PEX7: variants seen among roughly 807,000 people sequenced by gnomAD.
The protein encoded by PEX7 is peroxisomal biogenesis factor 7.
PEX7 carries 34 observed loss-of-function variants against 47.5 expected under a neutral mutation model. The observed-to-expected ratio is 0.72, with a 90% CI of 0.54 to 0.95. The LOEUF (loss-of-function observed/expected upper bound fraction) is 0.95, where lower values mean the gene tolerates loss of function less well. PEX7 is among the 40% of genes least tolerant of loss of function. The probability of loss-of-function intolerance (pLI) is 0.00; values close to 1 mark genes in which losing one functional copy is unlikely to be tolerated. For synonymous variants in PEX7, 141 were observed against 148.8 expected, an observed-to-expected ratio of 0.95 and a Z score of 0.38; for missense variants, 394 against 400.3, an observed-to-expected ratio of 0.98 and a Z score of 0.13.
chr6:136,895,466 C>T (rs1316651368), intron 8 of PEX7, among the ~76,000 whole-genome samples: 2 of 152,064 alleles, frequency 1.3e-5, no homozygotes, highest in Non-Finnish European at 2.9e-5. Flanking sequence ...GTGAAGAAAT[C>T]TGAAGCTTAG....
At chr6:136,890,685 A>G (rs924694743) in intron 8 of PEX7, among the ~76,000 whole-genome samples, 13 of 152,144 alleles carry the variant, frequency 8.5e-5, no homozygotes, top group African/African-American at 3.1e-4. Flanking sequence ...TTTATTCATA[A>G]ATGCTTAGCT....
chr6:136,829,852 A>G (rs1774262227), intron 3 of PEX7, among the ~76,000 whole-genome samples: 1 of 152,164 alleles, frequency 6.6e-6, no homozygotes, highest in African/African-American at 2.4e-5. Context: ...CACAAGAATC[A>G]TTTGAGCATG....
At chr6:136,909,220 A>G (rs966072221) in intron 9 of PEX7, among the ~76,000 whole-genome samples, 1 of 152,254 alleles carries the variant, frequency 6.6e-6, no homozygotes. Context: ...TCTTTTAGAT[A>G]GCTTTGTAAT....
At chr6:136,837,311 A>G (rs754077820) in intron 3 of PEX7, among the ~76,000 whole-genome samples, 92 of 138,444 alleles carry the variant, frequency 6.6e-4, no homozygotes, top group Non-Finnish European at 1.0e-3. Context: ...GCAGTGCGCC[A>G]AGATCGCGCC....
intron 9 of PEX7, among the ~76,000 whole-genome samples, chr6:136,899,247 A>ATT (rs112875737): frequency 5.9e-5 from 7 of 117,816 alleles, no homozygotes; most frequent in Admixed American, 1.7e-4. Context: ...CACCCAATTA[A>ATT]TTTTTTTTTT....
chr6:136,895,955 C>T (rs1775640458), intron 8 of PEX7, among the ~76,000 whole-genome samples: 1 of 152,100 alleles, frequency 6.6e-6, no homozygotes, highest in Non-Finnish European at 1.5e-5. Context: ...TACCCATTAG[C>T]TGTATATTAG....
chr6:136,850,748 G>A (rs1041760881), intron 5 of PEX7, among the ~76,000 whole-genome samples: 8 of 152,078 alleles, frequency 5.3e-5, no homozygotes, highest in African/African-American at 1.9e-4. Context: ...TGAGCAGGTT[G>A]AGCTTGGAGC....
rs201482776 is a variant in PEX7 at position 136,862,019 on chromosome 6, T to TTA, written c.527-4596_527-4595dup. ...CTATATATATATATTTTTTCTGTAT[T>TTA]TATATATATATATTTTATATATATT... On this transcript the variant is annotated intron_variant, in intron 5 of 9. Transcript: ENST00000318471. Among the ~76,000 whole-genome samples the TTA allele has an allele frequency of 1.9e-3, 273 of 143,362 alleles. 1 individual carries two copies. In the South Asian group the frequency reaches 0.025, roughly 13 times the overall value. The allele number at this position is 143,362 out of a possible 152,430, so 94.1% of individuals were successfully genotyped here. A position where few individuals can be genotyped will look rare whatever the true frequency, so the allele number is the denominator to read the frequency against.
intron 8 of PEX7, among the ~76,000 whole-genome samples, chr6:136,895,929 T>C (rs1775640119): frequency 6.6e-6 from 1 of 152,222 alleles, no homozygotes; most frequent in Non-Finnish European, 1.5e-5. Flanking sequence ...GGTGTAGAAC[T>C]CTGTGAGGCT....
chr6:136,834,833 T>C (rs577261419), intron 3 of PEX7, among the ~76,000 whole-genome samples: 1 of 152,384 alleles, frequency 6.6e-6, no homozygotes, highest in East Asian at 1.9e-4. Flanking sequence ...TCTGCTTCTT[T>C]AAGTATTAGC....
At chr6:136,824,772 G>A (rs1411594307) in intron 1 of PEX7, among the ~76,000 whole-genome samples, 3 of 152,204 alleles carry the variant, frequency 2.0e-5, no homozygotes, top group African/African-American at 7.2e-5. Context: ...TCCTGTGTGA[G>A]ATGTGTTTTA....
chr6:136,832,333 C>T (rs1231531894), intron 3 of PEX7, among the ~76,000 whole-genome samples: 1 of 152,262 alleles, frequency 6.6e-6, no homozygotes, highest in Non-Finnish European at 1.5e-5. Context: ...TGTCTTGAGG[C>T]TGCACAGAGC....
chr6:136,829,681 A>G (rs1368415235), intron 3 of PEX7, among the ~76,000 whole-genome samples: 5 of 152,226 alleles, frequency 3.3e-5, no homozygotes, highest in Non-Finnish European at 5.9e-5. Flanking sequence ...TCATGCCTGT[A>G]ATCCTAACAC....
At chr6:136,863,174 A>G (rs2115208549) in intron 5 of PEX7, among the ~76,000 whole-genome samples, 1 of 152,288 alleles carries the variant, frequency 6.6e-6, no homozygotes, top group African/African-American at 2.4e-5. Context: ...ATATGTTGTC[A>G]CTAGTGGGTC....
At chr6:136,873,281 T>C (rs1384237335) in intron 8 of PEX7, among the ~76,000 whole-genome samples, 2 of 152,224 alleles carry the variant, frequency 1.3e-5, no homozygotes, top group Non-Finnish European at 2.9e-5. Flanking sequence ...TTTATTTGGC[T>C]ACCCTCCTAT....
At chr6:136,899,064 G>A (rs1161698452) in intron 9 of PEX7, among the ~76,000 whole-genome samples, 1 of 125,640 alleles carries the variant, frequency 8.0e-6, no homozygotes, top group African/African-American at 2.9e-5. Context: ...ATATGTAAGT[G>A]TTTTTTTTTT....
At chr6:136,908,030 A>G (rs1419100257) in intron 9 of PEX7, among the ~76,000 whole-genome samples, 4 of 152,158 alleles carry the variant, frequency 2.6e-5, no homozygotes, top group Admixed American at 6.5e-5. Context: ...AGTATTTTGC[A>G]TATAGGAAAT....
intron 8 of PEX7, 67 bp from the exon 9 acceptor site, chr6:136,898,067 ATATCTATT>A: frequency 1.1e-6 from 1 of 872,980 alleles, no homozygotes; most frequent in African/African-American, 1.7e-5. Context: ...GCTATGTCAA[ATATCTATT>A]TTTTCTTAAT....
intron 9 of PEX7, chr6:136,901,046 G>T: frequency 5.1e-6 from 1 of 197,288 alleles, no homozygotes. Flanking sequence ...GTCCTGTCCA[G>T]TGCCAGAATT....
Sources: allele counts gnomAD v4.1 joint callset (sites outside exome capture counted in the v4.1 genomes callset), GRCh38; gene constraint gnomAD v4.1.1; transcripts MANE v1.5; gene names NCBI Gene and HGNC (gene_info 2026-07-23, HGNC 2026-07-21).